TIAM1: variants seen among roughly 807,000 people sequenced by gnomAD.
The protein encoded by TIAM1 is rho guanine nucleotide exchange factor TIAM1.
Under a neutral mutation model 163.5 loss-of-function variants are expected in TIAM1, and 65 were observed. That is an observed-to-expected ratio of 0.40 (90% CI 0.33 to 0.49). The LOEUF is 0.49. Among genes scored for constraint, TIAM1 ranks in the 20% least tolerant of loss-of-function variants. TIAM1 has a pLI of 0.77. For missense variants in TIAM1, 1,789 were observed against 2,044.7 expected, an observed-to-expected ratio of 0.87 and a Z score of 2.41; for synonymous variants, 833 against 810.1, an observed-to-expected ratio of 1.03 and a Z score of -0.48.
At chr21:31,180,881 C>A (rs778622538) in intron 15 of TIAM1, among the ~76,000 whole-genome samples, 10 of 152,212 alleles carry the variant, frequency 6.6e-5, no homozygotes, top group Non-Finnish European at 1.2e-4. Flanking sequence ...TAACTGAGAG[C>A]AATCAATTTT....
intron 23 of TIAM1, among the ~76,000 whole-genome samples, chr21:31,135,456 C>T: frequency 6.6e-6 from 1 of 152,156 alleles, no homozygotes; most frequent in Non-Finnish European, 1.5e-5. Context: ...CCAGAGTTGC[C>T]ACAACAGCTC....
chr21:31,355,644 C>T (rs963947549), intron 2 of TIAM1, among the ~76,000 whole-genome samples: 5 of 151,930 alleles, frequency 3.3e-5, no homozygotes, highest in African/African-American at 1.2e-4. Context: ...CTCCACATCC[C>T]AGGTTCAAGC....
intron 1 of TIAM1, among the ~76,000 whole-genome samples, chr21:31,550,103 G>A (rs1368299802): frequency 1.3e-5 from 2 of 150,520 alleles, no homozygotes; most frequent in Non-Finnish European, 1.5e-5. Context: ...CAGCCTGGGC[G>A]ACAGAGAGAG....
intron 2 of TIAM1, among the ~76,000 whole-genome samples, chr21:31,329,431 G>C (rs965181517): frequency 6.6e-6 from 1 of 152,232 alleles, no homozygotes; most frequent in African/African-American, 2.4e-5. Flanking sequence ...CTCCTTGTGG[G>C]AAGGGTGATA....
At chr21:31,350,542 G>GT (rs1183996816) in intron 2 of TIAM1, among the ~76,000 whole-genome samples, 1 of 152,124 alleles carries the variant, frequency 6.6e-6, no homozygotes, top group African/African-American at 2.4e-5. Flanking sequence ...CATCCCCTTG[G>GT]TGCTGTTCTC....
chr21:31,458,279 C>T (rs1602328949), intron 2 of TIAM1, among the ~76,000 whole-genome samples: 2 of 151,824 alleles, frequency 1.3e-5, no homozygotes, highest in Non-Finnish European at 2.9e-5. Context: ...ATTAGCTGGG[C>T]ATAGGGGGCG....
intron 15 of TIAM1, among the ~76,000 whole-genome samples, chr21:31,168,228 G>A (rs1435573559): frequency 6.6e-6 from 1 of 150,404 alleles, no homozygotes; most frequent in Non-Finnish European, 1.5e-5. Context: ...GAGTAGCTGG[G>A]ATTACAGGTG....
Position 31,266,723 on chromosome 21 carries a change from C to A in TIAM1, c.250G>T (p.Asp84Tyr), listed in dbSNP as rs781630192. 4.0e-5 allele frequency: 64 copies of A among 1,614,070 alleles called. No individual in the cohort carries two copies. In the South Asian group the frequency reaches 6.9e-4, roughly 17 times the overall value. Residue 84 changes from aspartate (D) to tyrosine (Y), a missense_variant, in exon 4 of 28, where the codon GAC becomes TAC. By Grantham distance (160) the Asp-to-Tyr change is radical. Coordinates refer to ENST00000541036, the MANE Select transcript of TIAM1 (RefSeq NM_001353694.2). ...TCCACCCAGATGGGGCTCCCGAAGT[C>A]TTCTAGGGTACCATCTTGGGAGAAG... is the stretch of plus-strand genomic sequence containing the variant. Reference protein sequence around the residue: ...EPFSQDGTLEDFGSPIWVDRV... With the variant: ...EPFSQDGTLEYFGSPIWVDRV...
At chr21:31,210,637 GAAAGAAAGAAAGAAAGAA>G (rs1569031993) in intron 10 of TIAM1, among the ~76,000 whole-genome samples, 23 of 49,438 alleles carry the variant, frequency 4.7e-4, no homozygotes, top group African/African-American at 2.6e-3. Context: ...AAGAAAGAAA[GAAAGAAAGAAAGAAAGAA>G]AGAAAGAAAG....
intron 1 of TIAM1, among the ~76,000 whole-genome samples, chr21:31,500,418 C>T (rs928144932): frequency 2.8e-5 from 4 of 143,480 alleles, no homozygotes; most frequent in Non-Finnish European, 4.5e-5. Context: ...CCTTGGCCAA[C>T]GAGGCTTTTC....
chr21:31,496,228 G>A (rs1452665246), intron 1 of TIAM1, among the ~76,000 whole-genome samples: 3 of 152,116 alleles, frequency 2.0e-5, no homozygotes, highest in Non-Finnish European at 2.9e-5. Flanking sequence ...GGTGGCTCAC[G>A]CCTGTAATCC....
chr21:31,301,892 A>C (rs974707352), intron 2 of TIAM1, among the ~76,000 whole-genome samples: 5 of 148,898 alleles, frequency 3.4e-5, no homozygotes, highest in Non-Finnish European at 4.5e-5. Flanking sequence ...TATAATATAT[A>C]TAAAATGTGT....
intron 2 of TIAM1, among the ~76,000 whole-genome samples, chr21:31,328,990 C>T (rs1212084559): frequency 1.3e-5 from 2 of 152,094 alleles, no homozygotes; most frequent in Admixed American, 1.3e-4. Context: ...TACAGTATAA[C>T]AACTATTACC....
chr21:31,210,585 A>G (rs551781906), intron 10 of TIAM1, among the ~76,000 whole-genome samples: 11 of 121,000 alleles, frequency 9.1e-5, no homozygotes, highest in African/African-American at 3.9e-4. Flanking sequence ...AAAGAAAGAA[A>G]GAAAGAAAGA....
chr21:31,546,536 C>G (rs1443390881), intron 1 of TIAM1, among the ~76,000 whole-genome samples: 5 of 126,676 alleles, frequency 3.9e-5, no homozygotes, highest in Non-Finnish European at 8.3e-5. Flanking sequence ...GGTGACAGAG[C>G]AAGACTCCAT....
intron 2 of TIAM1, among the ~76,000 whole-genome samples, chr21:31,398,933 T>C (rs2077118835): frequency 6.6e-6 from 1 of 152,168 alleles, no homozygotes; most frequent in South Asian, 2.1e-4. Context: ...CCCAGCACTT[T>C]GGGAGGCTGA....
intron 1 of TIAM1, among the ~76,000 whole-genome samples, chr21:31,465,769 A>G (rs2045506613): frequency 1.3e-5 from 2 of 152,104 alleles, no homozygotes; most frequent in East Asian, 3.9e-4. Context: ...ACGGGGTTTC[A>G]CCGTGTTAGC....
At chr21:31,306,047 C>T (rs754506048) in intron 2 of TIAM1, among the ~76,000 whole-genome samples, 2 of 151,958 alleles carry the variant, frequency 1.3e-5, no homozygotes, top group African/African-American at 2.4e-5. Context: ...TGCCTGCAGG[C>T]CAAATCAGGG....
At chr21:31,135,521 A>G (rs1022624891) in intron 23 of TIAM1, among the ~76,000 whole-genome samples, 30 of 152,212 alleles carry the variant, frequency 2.0e-4, no homozygotes, top group Non-Finnish European at 2.8e-4. Flanking sequence ...CAACAAAGTC[A>G]GGAAGCAAAT....
Sources: gnomAD v4.1 joint callset for allele counts (sites outside exome capture counted in the v4.1 genomes callset) on GRCh38, gnomAD v4.1.1 for gene constraint, MANE v1.5 for transcripts, NCBI Gene and HGNC (gene_info 2026-07-23, HGNC 2026-07-21) for gene names.